Variants in CMTM7 observed in about 807,000 individuals in gnomAD.
CMTM7 encodes the protein CKLF-like MARVEL transmembrane domain-containing protein 7.
Under a neutral mutation model 19.3 loss-of-function variants are expected in CMTM7, and 7 were observed. The observed-to-expected ratio is 0.36, with a 90% confidence interval of 0.21 to 0.68. The LOEUF (loss-of-function observed/expected upper bound fraction) is 0.68, where lower values mean the gene tolerates loss of function less well. Among genes scored for constraint, CMTM7 ranks in the 30% least tolerant of loss-of-function variants. CMTM7 has a pLI of 0.60. For missense variants in CMTM7, 193 were observed against 232.6 expected, an observed-to-expected ratio of 0.83 and a Z score of 1.11; for synonymous variants, 87 against 99.3, an observed-to-expected ratio of 0.88 and a Z score of 0.74.
Position 32,391,917 on chromosome 3 carries a change from G to C in CMTM7, c.11G>C (p.Gly4Ala). MSH[G>A]AGLVRTTCSS... ...AGCTGGGGCCGCGCAATGTCGCACGGAGCCGGGCTCGTCCGCACCACGTGC... is the reference window on the plus strand; with the variant it reads ...AGCTGGGGCCGCGCAATGTCGCACGCAGCCGGGCTCGTCCGCACCACGTGC... Residue 4 changes from glycine (G) to alanine (A), a missense_variant, in exon 1 of 5, where the codon GGA becomes GCA. By Grantham distance (60) the Gly-to-Ala change is moderately conservative. Coordinates refer to ENST00000334983, the MANE Select transcript of CMTM7 (RefSeq NM_138410.4). 8.2e-7 allele frequency: 1 copy of C among 1,224,592 alleles called. No individual in the cohort carries two copies. Among genetic ancestry groups the C allele is most frequent in the Non-Finnish European group, 1.0e-6 (1 of 983,200 alleles). 75.9% of individuals were successfully genotyped at this position (1,224,592 alleles called of 1,614,324 possible).
At chr3:32,427,123 A>G (rs1440824394) in intron 1 of CMTM7, among the ~76,000 whole-genome samples, 1 of 152,214 alleles carries the variant, frequency 6.6e-6, no homozygotes, top group African/African-American at 2.4e-5. Context: ...GTGGAAATAC[A>G]ACTGGGTTTA....
intron 1 of CMTM7, among the ~76,000 whole-genome samples, chr3:32,421,659 G>C (rs561665851): frequency 6.6e-6 from 1 of 152,276 alleles, no homozygotes; most frequent in East Asian, 1.9e-4. Context: ...TTACCCTTTA[G>C]GACAGGGTCC....
At chr3:32,442,161 TG>T (rs3841561) in intron 2 of CMTM7, 148 bp downstream of exon 2, 65,168 of 723,838 alleles carry the variant, frequency 0.09, 3,294 homozygotes, top group East Asian at 0.14. Context: ...TATTGTTTGG[TG>T]GACATCTCTG....
rs141357791 is a variant in CMTM7, at chr3:32,409,073, G to A, written c.159+17008G>A. Reference sequence around the variant, plus strand: ...ATTTTTTGTATTTTTAATAGAGGCGGGGTTTCTCCATGTTGACCAGGATGG... The same window carrying A: ...ATTTTTTGTATTTTTAATAGAGGCGAGGTTTCTCCATGTTGACCAGGATGG... On this transcript the variant is annotated intron_variant, in intron 1 of 4. Transcript: ENST00000334983. Among the ~76,000 whole-genome samples, 605 of 152,076 alleles carry A rather than the reference G, an allele frequency of 4.0e-3. 6 individuals carry two copies. The highest frequency in any genetic ancestry group is 0.013 in the African/African-American group (552 of 41,490).
chr3:32,452,919 A>ATTTTT (rs368112448), intron 4 of CMTM7, among the ~76,000 whole-genome samples: 3 of 35,352 alleles, frequency 8.5e-5, no homozygotes, highest in East Asian at 8.5e-4. Flanking sequence ...CCTAATTTCA[A>ATTTTT]TTTTTTTTTT....
chr3:32,421,044 A>G (rs1320963805), intron 1 of CMTM7, among the ~76,000 whole-genome samples: 1 of 151,530 alleles, frequency 6.6e-6, no homozygotes, highest in Non-Finnish European at 1.5e-5. Flanking sequence ...TCCCTGGGAC[A>G]TTCCTGCCAC....
chr3:32,423,607 G>A (rs1471787938), intron 1 of CMTM7, among the ~76,000 whole-genome samples: 1 of 152,202 alleles, frequency 6.6e-6, no homozygotes. Flanking sequence ...AGGCCCAGCA[G>A]TTAGCCCCGT....
intron 4 of CMTM7, 24 bp downstream of exon 4, chr3:32,452,497 A>G (rs1434747158): frequency 6.2e-7 from 1 of 1,609,686 alleles, no homozygotes; most frequent in Middle Eastern, 1.7e-4. Context: ...ATCTGTGCAC[A>G]GAGGATCTCT....
intron 1 of CMTM7, among the ~76,000 whole-genome samples, chr3:32,412,470 G>T (rs1696190919): frequency 1.4e-5 from 2 of 145,148 alleles, no homozygotes; most frequent in South Asian, 4.4e-4. Flanking sequence ...CTGGGCAACA[G>T]ATTGAGACTG....
intron 1 of CMTM7, among the ~76,000 whole-genome samples, chr3:32,421,939 C>A (rs1402187051): frequency 6.6e-6 from 1 of 152,100 alleles, no homozygotes; most frequent in Admixed American, 6.5e-5. Context: ...GATTATTATC[C>A]CTCATGCCAA....
chr3:32,424,571 C>G (rs1025017739), intron 1 of CMTM7, among the ~76,000 whole-genome samples: 1 of 152,114 alleles, frequency 6.6e-6, no homozygotes, highest in African/African-American at 2.4e-5. Flanking sequence ...TTCAGAATAT[C>G]TGGTTGCAGG....
rs539054223 is a variant in CMTM7 at position 32,448,232 on chromosome 3, T to C, written c.334-1222T>C. On this transcript the variant is annotated intron_variant, in intron 2 of 4. Coordinates refer to ENST00000334983, the MANE Select transcript of CMTM7 (RefSeq NM_138410.4). ...ATGTCATCCTCCTCTGTCTTAATAG[T>C]TGAGAATCTTGGAGGTGGGGAACTT... Among the ~76,000 whole-genome samples, 37 of 152,358 alleles carry C rather than the reference T, an allele frequency of 2.4e-4. No individual in the cohort carries two copies. The South Asian group carries it at 7.2e-3, about 30-fold the overall frequency.
Position 32,392,066 on chromosome 3 carries a change from G to C in CMTM7, c.159+1G>C. On this transcript the variant is annotated splice_donor_variant, in intron 1 of 4. Coordinates refer to ENST00000334983, the MANE Select transcript of CMTM7 (RefSeq NM_138410.4). LOFTEE classifies it high-confidence loss of function. Reference sequence around the variant, plus strand: ...GGCCCTGCTGAAAGTGGCGCAAATGGTAAGTGAGCGCGGGGCGCGAGGCCG... The same window carrying C: ...GGCCCTGCTGAAAGTGGCGCAAATGCTAAGTGAGCGCGGGGCGCGAGGCCG... 7 of 1,233,970 alleles carry C rather than the reference G, an allele frequency of 5.7e-6. No individual in the cohort carries two copies. Among genetic ancestry groups the C allele is most frequent in the Non-Finnish European group, 7.1e-6 (7 of 986,760 alleles). The allele number at this position is 1,233,970 out of a possible 1,614,324, so 76.4% of individuals were successfully genotyped here.
chr3:32,402,961 G>C (rs781481697), intron 1 of CMTM7, among the ~76,000 whole-genome samples: 4 of 152,214 alleles, frequency 2.6e-5, no homozygotes, highest in African/African-American at 4.8e-5. Context: ...GAGTGAAGTG[G>C]AGCCTTCTGG....
intron 1 of CMTM7, among the ~76,000 whole-genome samples, chr3:32,407,114 A>T (rs1210476046): frequency 6.6e-6 from 1 of 152,158 alleles, no homozygotes; most frequent in Non-Finnish European, 1.5e-5. Flanking sequence ...GAGCCATTTG[A>T]ATTGTAGAAT....
intron 1 of CMTM7, among the ~76,000 whole-genome samples, chr3:32,412,058 G>T (rs1265463375): frequency 6.6e-6 from 1 of 152,198 alleles, no homozygotes; most frequent in Non-Finnish European, 1.5e-5. Flanking sequence ...GTGAAGTATG[G>T]AGGATCTGTT....
chr3:32,449,646 G>A lies in CMTM7; in HGVS notation c.432+94G>A. The A allele has an allele frequency of 2.1e-6, 2 of 971,970 alleles. No homozygotes were observed. Among genetic ancestry groups the A allele is most frequent in the Non-Finnish European group, 3.3e-6 (2 of 600,196 alleles). The allele number at this position is 971,970 out of a possible 1,614,324, so 60.2% of individuals were successfully genotyped here. On this transcript the variant is annotated intron_variant, in intron 3 of 4. Coordinates refer to ENST00000334983, the MANE Select transcript of CMTM7 (RefSeq NM_138410.4). This position sits in a 1 kb window ranked among gnomAD's most constrained non-coding sequence, Gnocchi z 4.5. ...GGAAGAGAAGGGCTTGGTTTCTGGG[G>A]CATTCCCTTCATAGAATCAATACCT...
Position 32,449,487 on chromosome 3 carries a change from C to T in CMTM7, c.367C>T (p.Leu123Phe). Residue 123 changes from leucine to phenylalanine, a missense_variant, in exon 3 of 5, where the codon CTC becomes TTC. Leu to Phe is a conservative substitution (Grantham distance 22). Coordinates refer to ENST00000334983, the MANE Select transcript of CMTM7 (RefSeq NM_138410.4). The surrounding 1 kb of genome is among the most constrained non-coding windows in gnomAD (Gnocchi z 4.5). ...LLHYLIGTLL[L>F]LIASIVAASK... ...GCACTATTTAATCGGTACCCTGCTC[C>T]TCCTCATCGCCTCCATTGTGGCAGC... is the stretch of plus-strand genomic sequence containing the variant. The T allele has an allele frequency of 6.2e-7, 1 of 1,614,168 alleles. No individual in the cohort carries two copies. The highest frequency in any genetic ancestry group is 8.5e-7 in the Non-Finnish European group (1 of 1,179,988).
chr3:32,410,585 C>T (rs1472158597), intron 1 of CMTM7, among the ~76,000 whole-genome samples: 7 of 152,040 alleles, frequency 4.6e-5, no homozygotes, highest in Admixed American at 4.6e-4. Flanking sequence ...GCCTGGGGCA[C>T]ATATCTTCAA....
Sources: gnomAD v4.1 joint callset for allele counts (sites outside exome capture counted in the v4.1 genomes callset) on GRCh38, gnomAD v4.1.1 for gene constraint, Gnocchi (gnomAD v3.1) non-coding constraint, MANE v1.5 for transcripts, NCBI Gene and HGNC (gene_info 2026-07-23, HGNC 2026-07-21) for gene names.